Variants in CFAP221 observed in about 807,000 individuals in gnomAD.
CFAP221 encodes cilia and flagella associated protein 221.
CFAP221 carries 97 observed loss-of-function variants against 113.1 expected under a neutral mutation model. The ratio of observed to expected loss-of-function variants is 0.86; its 90% confidence interval spans 0.73 to 1.02. The LOEUF is 1.02. CFAP221 is among the 50% of genes least tolerant of loss of function. The pLI is 0.00. For missense variants in CFAP221, 1,025 were observed against 1,013.4 expected, an observed-to-expected ratio of 1.01 and a Z score of -0.16; for synonymous variants, 331 against 354.4, an observed-to-expected ratio of 0.93 and a Z score of 0.74.
Position 119,579,210 on chromosome 2 carries a change from AATAT to A in CFAP221, c.528-7908_528-7905del, listed in dbSNP as rs200842198. On this transcript the variant is annotated intron_variant, in intron 6 of 23. Transcript: ENST00000413369. Reference sequence around the variant, plus strand: ...AAAAGCACTAACATGTACTTGCCTTAATATTTTAGTTGCCTGATTCCTCTAAGTT... The same window carrying A: ...AAAAGCACTAACATGTACTTGCCTTATTTAGTTGCCTGATTCCTCTAAGTT... 6.8e-3 allele frequency among the ~76,000 whole-genome samples: 1,033 copies of A among 152,218 alleles called. 14 individuals carry two copies. The highest frequency in any genetic ancestry group is 0.024 in the African/African-American group (979 of 41,542).
chr2:119,572,818 C>G (rs1682163771), intron 6 of CFAP221: 1 of 473,494 alleles, frequency 2.1e-6, no homozygotes. Context: ...ACCATGTACT[C>G]ATCTCAAGGC....
At chr2:119,555,086 C>G (rs992830582) in intron 3 of CFAP221, among the ~76,000 whole-genome samples, 3 of 152,114 alleles carry the variant, frequency 2.0e-5, no homozygotes, top group African/African-American at 7.2e-5. Context: ...GAGCTGTGAG[C>G]CCTCTTGGGG....
At chr2:119,611,087 C>T (rs1044244407) in intron 12 of CFAP221, among the ~76,000 whole-genome samples, 13 of 152,088 alleles carry the variant, frequency 8.5e-5, no homozygotes, top group South Asian at 2.1e-4. Flanking sequence ...TGTCAGCTTC[C>T]ACCACCCAGG....
At chr2:119,630,262 TC>T (rs1197098521) in intron 17 of CFAP221, among the ~76,000 whole-genome samples, 1 of 152,226 alleles carries the variant, frequency 6.6e-6, no homozygotes, top group Non-Finnish European at 1.5e-5. Context: ...AGTCAGCCTT[TC>T]TTGAGGTATA....
chr2:119,573,094 G>A (rs530171650), intron 6 of CFAP221: 1 of 153,886 alleles, frequency 6.5e-6, no homozygotes, highest in African/African-American at 2.4e-5. Flanking sequence ...GGCCACATGG[G>A]AATGTGCACT....
intron 21 of CFAP221, among the ~76,000 whole-genome samples, chr2:119,641,294 G>C (rs1687472508): frequency 6.6e-6 from 1 of 152,152 alleles, no homozygotes; most frequent in African/African-American, 2.4e-5. Flanking sequence ...CCCAGCATAG[G>C]ATTTGGGACA....
intron 14 of CFAP221, among the ~76,000 whole-genome samples, chr2:119,620,177 A>T (rs1685805266): frequency 2.0e-5 from 3 of 152,210 alleles, no homozygotes; most frequent in African/African-American, 7.2e-5. Context: ...TCAGGATATT[A>T]TCCAGGAGAA....
intron 5 of CFAP221, 134 bp from the exon 6 acceptor site, chr2:119,561,880 T>C: frequency 1.5e-6 from 1 of 666,412 alleles, no homozygotes; most frequent in Non-Finnish European, 2.5e-6. Context: ...TCTAATGTTG[T>C]AGTTAAGCGC....
intron 13 of CFAP221, 106 bp from the exon 14 acceptor site, chr2:119,615,505 T>C: frequency 2.4e-6 from 2 of 848,890 alleles, no homozygotes; most frequent in Non-Finnish European, 3.6e-6. Context: ...ATACAACAAA[T>C]AAATAACAAC....
intron 3 of CFAP221, among the ~76,000 whole-genome samples, chr2:119,558,120 C>T (rs1049107461): frequency 2.6e-5 from 4 of 151,934 alleles, no homozygotes; most frequent in Non-Finnish European, 5.9e-5. Context: ...GAACCACTTC[C>T]ACTTCCAGCT....
intron 14 of CFAP221, 82 bp downstream of exon 14, chr2:119,615,791 C>T: frequency 1.0e-6 from 1 of 1,003,508 alleles, no homozygotes; most frequent in South Asian, 1.6e-5. Context: ...TTGATAACAC[C>T]TTTATTGAGA....
At chr2:119,603,601 C>T (rs887436804) in intron 8 of CFAP221, among the ~76,000 whole-genome samples, 1 of 152,188 alleles carries the variant, frequency 6.6e-6, no homozygotes, top group Non-Finnish European at 1.5e-5. Context: ...CTATTTTTAT[C>T]TTATTTTTGT....
intron 3 of CFAP221, among the ~76,000 whole-genome samples, chr2:119,551,172 G>T (rs537633786): frequency 5.9e-5 from 9 of 152,286 alleles, no homozygotes; most frequent in African/African-American, 2.2e-4. Flanking sequence ...ATGTTGGATT[G>T]TTTCCACATT....
At position 119,611,698 on chromosome 2, in the gene CFAP221, A is replaced by G; in HGVS notation, c.1267A>G (p.Lys423Glu). The part of the protein sequence containing the change: ...PILDEEFQRL[K>E]TEVSHKRVVR... ...TTTGGATGAGGAATTTCAGCGACTT[A>G]AAACAGAAGTTAGCCATAAACGGGT... The change falls in exon 13 of 24, where the codon AAA (lysine) becomes GAA (glutamate). Residue 423 changes from lysine to glutamate, a missense_variant. Transcript: ENST00000413369. The G allele has an allele frequency of 1.9e-6, 3 of 1,613,938 alleles. No homozygotes were observed. Among genetic ancestry groups the G allele is most frequent in the Non-Finnish European group, 2.5e-6 (3 of 1,179,944 alleles).
intron 14 of CFAP221, 72 bp downstream of exon 14, chr2:119,615,781 TTG>T: frequency 5.3e-6 from 6 of 1,122,258 alleles, no homozygotes; most frequent in Non-Finnish European, 7.8e-6. Context: ...CAATGGTGGT[TTG>T]ATAACACCTT....
At chr2:119,621,366 A>C (rs1255084661) in intron 14 of CFAP221, among the ~76,000 whole-genome samples, 30 of 152,218 alleles carry the variant, frequency 2.0e-4, no homozygotes, top group Admixed American at 1.8e-3. Context: ...ATATGCACCC[A>C]ATACAGGAGC....
rs17660039 is a variant in CFAP221, at chr2:119,609,244, A to G, written c.1221+655A>G. Among the ~76,000 whole-genome samples, 1,258 of 152,264 alleles carry G rather than the reference A, an allele frequency of 8.3e-3. 7 individuals carry two copies. Among genetic ancestry groups the G allele is most frequent in the Non-Finnish European group, 0.014 (980 of 67,994 alleles). Reference sequence around the variant, plus strand: ...CCACAGTGGCTAAAACACAGGATACACATGGGCCAGAGGAGACAGGAGTCT... The same window carrying G: ...CCACAGTGGCTAAAACACAGGATACGCATGGGCCAGAGGAGACAGGAGTCT... On this transcript the variant is annotated intron_variant, in intron 12 of 23. Transcript: ENST00000413369.
rs748357374 is a variant in CFAP221, at chr2:119,615,596, AT to A, written c.1312-11del. On this transcript the variant is annotated splice_polypyrimidine_tract_variant and intron_variant, in intron 13 of 23. Coordinates refer to ENST00000413369, the MANE Select transcript of CFAP221 (RefSeq NM_001271049.2). ...AAATTTAAATGTAAGATGTGCCTATATTTTATATTCACAGAAAATCAAGGAA... is the reference window on the plus strand; with the variant it reads ...AAATTTAAATGTAAGATGTGCCTATATTTATATTCACAGAAAATCAAGGAA... 27 of 1,568,642 alleles carry A rather than the reference AT, an allele frequency of 1.7e-5. No individual in the cohort carries two copies. Among genetic ancestry groups the A allele is most frequent in the Admixed American group, 5.3e-5 (3 of 56,982 alleles).
chr2:119,656,610 A>G lies in CFAP221; in HGVS notation c.*140A>G. 8.8e-6 allele frequency: 5 copies of G among 570,986 alleles called. No homozygotes were observed. Among genetic ancestry groups the G allele is most frequent in the Non-Finnish European group, 9.5e-6 (3 of 317,286 alleles). 35.4% of individuals were successfully genotyped at this position (570,986 alleles called of 1,614,324 possible). ...ATGTAGAGGATGTATATATCTTTTAAGTGATAATTATAAATCTTATATTTA... is the reference window on the plus strand; with the variant it reads ...ATGTAGAGGATGTATATATCTTTTAGGTGATAATTATAAATCTTATATTTA... On this transcript the variant is annotated 3_prime_UTR_variant, in exon 24 of 24. Coordinates refer to ENST00000413369, the MANE Select transcript of CFAP221 (RefSeq NM_001271049.2).
Sources: allele counts gnomAD v4.1 joint callset (sites outside exome capture counted in the v4.1 genomes callset), GRCh38; gene constraint gnomAD v4.1.1; transcripts MANE v1.5; gene names NCBI Gene and HGNC (gene_info 2026-07-23, HGNC 2026-07-21).